Variants in OLFML1 observed in about 807,000 individuals in gnomAD.
OLFML1 encodes the protein olfactomedin like 1.
Under a neutral mutation model 37.3 loss-of-function variants are expected in OLFML1, and 33 were observed. The observed-to-expected ratio is 0.88, with a 90% confidence interval of 0.67 to 1.18. The LOEUF (loss-of-function observed/expected upper bound fraction) is 1.18, where lower values mean the gene tolerates loss of function less well. Ranked by LOEUF, OLFML1 falls within the 50% of genes most tolerant of loss-of-function variation. The pLI is 0.00. For synonymous variants in OLFML1, 186 were observed against 181.3 expected (o/e 1.03, Z -0.21); for missense variants, 545 against 483.7 (o/e 1.13, Z -1.19).
intron 2 of OLFML1, among the ~76,000 whole-genome samples, chr11:7,502,797 G>A (rs1364121813): frequency 6.6e-6 from 1 of 152,022 alleles, no homozygotes; most frequent in Non-Finnish European, 1.5e-5. Flanking sequence ...GTAGAGATGG[G>A]GTTTCACCAT....
At chr11:7,498,272 G>C (rs1023994406) in intron 2 of OLFML1, among the ~76,000 whole-genome samples, 4 of 152,338 alleles carry the variant, frequency 2.6e-5, no homozygotes, top group African/African-American at 9.6e-5. Context: ...TGCAGGAGCA[G>C]AGGATTTTGT....
At chr11:7,508,029 A>G (rs554327342) in intron 2 of OLFML1, among the ~76,000 whole-genome samples, 1 of 152,364 alleles carries the variant, frequency 6.6e-6, no homozygotes, top group South Asian at 2.1e-4. Flanking sequence ...TGGAAGAAAG[A>G]GCCCTGTGGC....
At chr11:7,489,570 G>A (rs1019110215) in intron 2 of OLFML1, among the ~76,000 whole-genome samples, 1 of 151,898 alleles carries the variant, frequency 6.6e-6, no homozygotes, top group Non-Finnish European at 1.5e-5. Flanking sequence ...TTTAAACAAG[G>A]GCATGATACG....
chr11:7,488,543 T>C (rs1196725752), intron 2 of OLFML1, 128 bp downstream of exon 2: 6 of 713,718 alleles, frequency 8.4e-6, no homozygotes, highest in Non-Finnish European at 1.4e-5. Context: ...TTTGTGTGCA[T>C]TGCTGAGAGA....
At chr11:7,488,592 A>G (rs1848556676) in intron 2 of OLFML1, 177 bp downstream of exon 2, 2 of 523,202 alleles carry the variant, frequency 3.8e-6, no homozygotes, top group Admixed American at 3.6e-5. Context: ...AGAGAAATCC[A>G]TTCTCGCAAA....
At chr11:7,501,958 T>A (rs1008819071) in intron 2 of OLFML1, among the ~76,000 whole-genome samples, 20 of 152,202 alleles carry the variant, frequency 1.3e-4, no homozygotes, top group African/African-American at 4.3e-4. Flanking sequence ...AGAAGGACGA[T>A]GAGCTAGTAA....
rs537142016 is a variant in OLFML1 at position 7,490,288 on chromosome 11, C to T, written c.418+1873C>T. Among the ~76,000 whole-genome samples the T allele has an allele frequency of 4.6e-5, 7 of 152,212 alleles. No individual in the cohort carries two copies. In the South Asian group the frequency reaches 1.5e-3, roughly 32 times the overall value. On this transcript the variant is annotated intron_variant, in intron 2 of 2. Transcript: ENST00000329293. ...TGAATCATCCTCAAAGAGGGAGAAGCTGGCGGTAAGCACAGAGTGAGGGAA... is the reference window on the plus strand; with the variant it reads ...TGAATCATCCTCAAAGAGGGAGAAGTTGGCGGTAAGCACAGAGTGAGGGAA...
In OLFML1 at chr11:7,500,019, G is replaced by A. The variant is rs148717140; in HGVS notation, c.419-9379G>A. Among the ~76,000 whole-genome samples the A allele has an allele frequency of 8.5e-5, 13 of 152,150 alleles. No homozygotes were observed. In the East Asian group the frequency reaches 2.1e-3, roughly 25 times the overall value. On this transcript the variant is annotated intron_variant, in intron 2 of 2. Transcript: ENST00000329293. Reference sequence around the variant, plus strand: ...GATCCTCCCAACCTCAGCCTCCCACGTAGCTGGGACTGCAGGGGATGTGCC... The same window carrying A: ...GATCCTCCCAACCTCAGCCTCCCACATAGCTGGGACTGCAGGGGATGTGCC...
In OLFML1 at chr11:7,485,671, AC is replaced by A. The variant is rs1848511575; in HGVS notation, c.-204del. The stretch of plus-strand genomic sequence containing the variant: ...CAAGGCCTCAGGGACCAACTTGCCA[AC>A]AGCTGGACTTGATCACTAGCTGGCA... On this transcript the variant is annotated 5_prime_UTR_variant, in exon 1 of 3. The change abolishes the stop of an existing upstream ORF in the 5' untranslated region. Coordinates refer to ENST00000329293, the MANE Select transcript of OLFML1 (RefSeq NM_198474.4). The A allele has an allele frequency of 1.7e-6, 1 of 572,438 alleles. No individual in the cohort carries two copies. The highest frequency in any genetic ancestry group is 3.1e-5 in the Admixed American group (1 of 32,048). 35.5% of individuals were successfully genotyped at this position (572,438 alleles called of 1,614,324 possible). A position where few individuals can be genotyped will look rare whatever the true frequency, so the allele number is the denominator to read the frequency against.
Position 7,509,840 on chromosome 11 carries a change from C to A in OLFML1, c.861C>A (p.Gly287=). The A allele has an allele frequency of 1.2e-6, 2 of 1,614,226 alleles. No individual in the cohort carries two copies. Among genetic ancestry groups the A allele is most frequent in the Non-Finnish European group, 1.7e-6 (2 of 1,180,028 alleles). The stretch of plus-strand genomic sequence containing the variant: ...TCTGGGCCATCCACTCTGGGCCAGG[C>A]ACCCATAGCCATTTGGTTCTCACAA... ...HGLWAIHSGP[G]THSHLVLTKI... The change falls in exon 3 of 3, where the codon GGC becomes GGA. Residue 287 remains glycine (G), a synonymous_variant. Transcript: ENST00000329293.
At chr11:7,505,183 C>G (rs1848772048) in intron 2 of OLFML1, among the ~76,000 whole-genome samples, 1 of 151,514 alleles carries the variant, frequency 6.6e-6, no homozygotes, top group Non-Finnish European at 1.5e-5. Context: ...ATTTGTCTGC[C>G]TTGGCCTTCC....
At chr11:7,503,590 C>G (rs1484652343) in intron 2 of OLFML1, among the ~76,000 whole-genome samples, 1 of 152,124 alleles carries the variant, frequency 6.6e-6, no homozygotes, top group African/African-American at 2.4e-5. Flanking sequence ...TAGAGGATCA[C>G]TGGAAGTGAG....
intron 2 of OLFML1, among the ~76,000 whole-genome samples, chr11:7,491,754 T>C (rs114313404): frequency 1.7e-3 from 252 of 145,394 alleles, no homozygotes; most frequent in African/African-American, 6.8e-3. Flanking sequence ...CAGGAGTCCA[T>C]GCATGGCTTA....
rs1334225349 is a variant in OLFML1 at position 7,496,062 on chromosome 11, G to A, written c.418+7647G>A. ...ATCATTTCTCAGGGGTCCATAGGGT[G>A]GCTGGGTAGGCTCACTTGTGCACCT... On this transcript the variant is annotated intron_variant, in intron 2 of 2. Transcript: ENST00000329293. Among the ~76,000 whole-genome samples the A allele has an allele frequency of 4.6e-5, 7 of 152,344 alleles. No individual in the cohort carries two copies. In the East Asian group the frequency reaches 1.3e-3, roughly 29 times the overall value.
intron 2 of OLFML1, among the ~76,000 whole-genome samples, chr11:7,498,503 A>G (rs1848688029): frequency 1.3e-5 from 2 of 152,216 alleles, no homozygotes; most frequent in Non-Finnish European, 2.9e-5. Flanking sequence ...AATTTTTAGA[A>G]TAAGTCCATG....
chr11:7,492,824 C>G (rs1055197240), intron 2 of OLFML1, among the ~76,000 whole-genome samples: 5 of 152,148 alleles, frequency 3.3e-5, no homozygotes, highest in Non-Finnish European at 7.3e-5. Context: ...TATAATCTAA[C>G]TTATATTTTA....
chr11:7,510,143 G>C lies in OLFML1; in HGVS notation c.1164G>C (p.Gln388His). The C allele has an allele frequency of 6.2e-7, 1 of 1,612,842 alleles. No individual in the cohort carries two copies. Among genetic ancestry groups the C allele is most frequent in the Non-Finnish European group, 8.5e-7 (1 of 1,179,912 alleles). Reference sequence around the variant, plus strand: ...TCTATGCCTGGAATGAAGGAAACCAGATCATTTACAAACTCCAGACAAAGA... The same window carrying C: ...TCTATGCCTGGAATGAAGGAAACCACATCATTTACAAACTCCAGACAAAGA... ...KQLYAWNEGN[Q>H]IIYKLQTKRK... is the part of the protein sequence containing the mutation. The change falls in exon 3 of 3, where the codon CAG (glutamine) becomes CAC (histidine). Residue 388 changes from glutamine (Q) to histidine (H), a missense_variant. Gln to His is a conservative substitution (Grantham distance 24, BLOSUM62 0). Transcript: ENST00000329293.
chr11:7,488,399 G>T lies in OLFML1; in HGVS notation c.402G>T (p.Arg134=). ...AAGCTGAAGAAGAGAAAAAGATCCG[G>T]ACTCTGCTGAATGCAAGTAAGAAAA... ...LQEAEEEKKI[R]TLLNASCDNM... Residue 134 remains arginine, a synonymous_variant, in exon 2 of 3, where the codon CGG becomes CGT. Transcript: ENST00000329293. 1.2e-6 allele frequency: 2 copies of T among 1,613,130 alleles called. No individual in the cohort carries two copies. Among genetic ancestry groups the T allele is most frequent in the South Asian group, 2.2e-5 (2 of 90,868 alleles).
At chr11:7,487,250 T>A (rs1325484802) in intron 1 of OLFML1, among the ~76,000 whole-genome samples, 1 of 152,194 alleles carries the variant, frequency 6.6e-6, no homozygotes, top group African/African-American at 2.4e-5. Context: ...TGGCAGTCAC[T>A]GTTGGCCAGC....
Sources: gnomAD v4.1 joint callset for allele counts (sites outside exome capture counted in the v4.1 genomes callset) on GRCh38, gnomAD v4.1.1 for gene constraint, MANE v1.5 for transcripts, NCBI Gene and HGNC (gene_info 2026-07-23, HGNC 2026-07-21) for gene names.